CABLES1: variants seen among roughly 807,000 people sequenced by gnomAD.
CABLES1 encodes the protein Cdk5 and Abl enzyme substrate 1.
CABLES1 carries 36 observed loss-of-function variants against 57.8 expected under a neutral mutation model. That is an observed-to-expected ratio of 0.62 (90% CI 0.48 to 0.82). The LOEUF is 0.82. CABLES1 is among the 40% of genes least tolerant of loss of function. The pLI, the probability that CABLES1 is intolerant of heterozygous loss-of-function variation, is 0.00. For missense variants in CABLES1, 767 were observed against 836.6 expected, an observed-to-expected ratio of 0.92 and a Z score of 1.03; for synonymous variants, 374 against 363.0, an observed-to-expected ratio of 1.03 and a Z score of -0.35.
intron 3 of CABLES1, among the ~76,000 whole-genome samples, chr18:23,205,908 G>T (rs535087097): frequency 2.6e-5 from 4 of 152,112 alleles, no homozygotes; most frequent in African/African-American, 9.7e-5. Context: ...GGAGAATGCT[G>T]TGTGAAGATT....
At chr18:23,237,280 A>G (rs1436875124) in intron 7 of CABLES1, 35 bp downstream of exon 7, 1 of 1,418,700 alleles carries the variant, frequency 7.0e-7, no homozygotes, top group South Asian at 1.1e-5. Flanking sequence ...CGTTTGCTGC[A>G]CCGTCAGTTG....
At position 23,246,320 on chromosome 18, in the gene CABLES1, C is replaced by T. The variant is rs117445212; in HGVS notation, c.1447-6640C>T. ...AGACTGTCCCAGGCCAAGAAGGAGT[C>T]GCTGCTTGTTTAATTAGCACTTTGA... On this transcript the variant is annotated intron_variant, in intron 7 of 9. Coordinates refer to ENST00000256925, the MANE Select transcript of CABLES1 (RefSeq NM_001100619.3). Among the ~76,000 whole-genome samples, 1,127 of 151,634 alleles carry T rather than the reference C, an allele frequency of 7.4e-3. 13 individuals carry two copies. Among genetic ancestry groups the T allele is most frequent in the Non-Finnish European group, 0.011 (727 of 67,926 alleles).
chr18:23,210,158 TA>T (rs1003337212), intron 3 of CABLES1, among the ~76,000 whole-genome samples: 662 of 34,230 alleles, frequency 0.019, 4 homozygotes, highest in African/African-American at 0.044. Flanking sequence ...TTTCCTTTGC[TA>T]TTTTTTTTCC....
intron 7 of CABLES1, among the ~76,000 whole-genome samples, chr18:23,247,983 CCT>C (rs1253977577): frequency 6.6e-6 from 1 of 152,358 alleles, no homozygotes; most frequent in East Asian, 1.9e-4. Context: ...TTTTTCCCCG[CCT>C]CTCTGTCAGG....
chr18:23,225,991 A>C (rs1466767413), intron 4 of CABLES1, among the ~76,000 whole-genome samples: 3 of 152,236 alleles, frequency 2.0e-5, no homozygotes, highest in Non-Finnish European at 2.9e-5. Context: ...ATGGATTTAC[A>C]TGTAGAGAGA....
At chr18:23,187,027 G>A (rs2047207683) in intron 1 of CABLES1, among the ~76,000 whole-genome samples, 1 of 152,174 alleles carries the variant, frequency 6.6e-6, no homozygotes, top group South Asian at 2.1e-4. Context: ...TGCTGTCACA[G>A]GGGTCTAGGC....
intron 1 of CABLES1, among the ~76,000 whole-genome samples, chr18:23,144,958 C>T (rs1214941336): frequency 8.1e-5 from 12 of 147,452 alleles, no homozygotes; most frequent in African/African-American, 1.8e-4. Flanking sequence ...TTCTTTGAGA[C>T]GGAGCCTCAC....
intron 9 of CABLES1, 35 bp from the exon 10 acceptor site, chr18:23,257,190 CAA>C (rs1568098542): frequency 6.2e-7 from 1 of 1,605,630 alleles, no homozygotes; most frequent in Non-Finnish European, 8.5e-7. Flanking sequence ...ATTTTAATTT[CAA>C]AATGAACATG....
At chr18:23,234,133 G>A (rs1005523326) in intron 4 of CABLES1, among the ~76,000 whole-genome samples, 1 of 152,156 alleles carries the variant, frequency 6.6e-6, no homozygotes, top group Non-Finnish European at 1.5e-5. Context: ...CAGAAGAATC[G>A]CTTGAACCTG....
rs1350934517 is a variant in CABLES1 at position 23,135,860 on chromosome 18, C to T, written c.98C>T (p.Pro33Leu). Residue 33 changes from proline to leucine, a missense_variant, in exon 1 of 10, where the codon CCG becomes CTG. Transcript: ENST00000256925. ...GCCAGCGGATTGCAGCAGCCGCCGC[C>T]GCAGCCCCAGCCTCAGCCCGCGGCC... ...AGASGLQQPP[P>L]QPQPQPAAAA... 1.0e-6 allele frequency: 1 copy of T among 1,001,070 alleles called. No homozygotes were observed. The allele number at this position is 1,001,070 out of a possible 1,614,324, so 62.0% of individuals were successfully genotyped here. A position where few individuals can be genotyped will look rare whatever the true frequency, so the allele number is the denominator to read the frequency against.
chr18:23,213,646 T>C (rs2047420612), intron 3 of CABLES1, among the ~76,000 whole-genome samples: 3 of 152,368 alleles, frequency 2.0e-5, no homozygotes, highest in South Asian at 4.1e-4. Flanking sequence ...CACCCAGCCC[T>C]GGCCACCCTG....
In CABLES1 at chr18:23,241,303, G is replaced by A. The variant is rs552810157; in HGVS notation, c.1446+4058G>A. Among the ~76,000 whole-genome samples the A allele has an allele frequency of 2.8e-4, 42 of 152,016 alleles. 1 individual carries two copies. The South Asian group carries it at 4.1e-3, about 15-fold the overall frequency. On this transcript the variant is annotated intron_variant, in intron 7 of 9. Transcript: ENST00000256925. The stretch of plus-strand genomic sequence containing the variant: ...TTGGGAGGCCGAGGTGGGTAAGGTG[G>A]GGGGATCACTTGAGGTCAAGAGTTT...
chr18:23,230,089 A>G (rs1313449355), intron 4 of CABLES1, among the ~76,000 whole-genome samples: 1 of 152,110 alleles, frequency 6.6e-6, no homozygotes, highest in Non-Finnish European at 1.5e-5. Flanking sequence ...AAGCTATGAG[A>G]AGGGCCAGGC....
intron 3 of CABLES1, among the ~76,000 whole-genome samples, chr18:23,211,292 G>C (rs1323268255): frequency 1.3e-5 from 2 of 152,218 alleles, no homozygotes; most frequent in African/African-American, 4.8e-5. Context: ...AGTGGAGTTT[G>C]TTCAACACAT....
chr18:23,233,022 A>G lies in CABLES1; in HGVS notation c.1089-1586A>G, dbSNP rs150307863. 5.8e-3 allele frequency among the ~76,000 whole-genome samples: 888 copies of G among 152,078 alleles called. 5 individuals are homozygous for G. The highest frequency in any genetic ancestry group is 0.018 in the African/African-American group (758 of 41,456). On this transcript the variant is annotated intron_variant, in intron 4 of 9. Transcript: ENST00000256925. ...TTCGTTCTTGCATAGGTTGTAGGAGATGACCCCTGAATATGGTCCCTCCAT... is the reference window on the plus strand; with the variant it reads ...TTCGTTCTTGCATAGGTTGTAGGAGGTGACCCCTGAATATGGTCCCTCCAT...
chr18:23,174,824 A>ATATG (rs1354819732), intron 1 of CABLES1, among the ~76,000 whole-genome samples: 2 of 22,474 alleles, frequency 8.9e-5, no homozygotes, highest in East Asian at 5.8e-3. Flanking sequence ...GTTACACCAT[A>ATATG]TATATATATA....
intron 4 of CABLES1, among the ~76,000 whole-genome samples, chr18:23,215,658 C>T (rs1407970228): frequency 6.6e-6 from 1 of 152,158 alleles, no homozygotes; most frequent in Non-Finnish European, 1.5e-5. Context: ...GGGACAAAGG[C>T]AGAGAAGGAT....
At chr18:23,236,922 C>T (rs1253043195) in intron 6 of CABLES1, among the ~76,000 whole-genome samples, 1 of 152,126 alleles carries the variant, frequency 6.6e-6, no homozygotes, top group Non-Finnish European at 1.5e-5. Flanking sequence ...AAAAAAATGT[C>T]AGGATGTTAA....
Position 23,253,438 on chromosome 18 carries a change from G to A in CABLES1, c.1554-291G>A, listed in dbSNP as rs183981115. Reference sequence around the variant, plus strand: ...GTGGAGGTTGCAGTGAGCCAAGATCGTGCCACTGCACTCCAGCCTGGAAAA... The same window carrying A: ...GTGGAGGTTGCAGTGAGCCAAGATCATGCCACTGCACTCCAGCCTGGAAAA... On this transcript the variant is annotated intron_variant, in intron 8 of 9. Transcript: ENST00000256925. Among the ~76,000 whole-genome samples the A allele has an allele frequency of 8.7e-4, 132 of 152,322 alleles. 1 individual carries two copies. The highest frequency in any genetic ancestry group is 1.5e-3 in the Non-Finnish European group (104 of 68,036).
Sources: allele counts gnomAD v4.1 joint callset (sites outside exome capture counted in the v4.1 genomes callset), GRCh38; gene constraint gnomAD v4.1.1; transcripts MANE v1.5; gene names NCBI Gene and HGNC (gene_info 2026-07-23, HGNC 2026-07-21).